Variants in VWA5A observed in about 807,000 individuals in gnomAD.
The protein encoded by VWA5A is von Willebrand factor A domain containing 5A.
VWA5A carries 77 observed loss-of-function variants against 84.6 expected under a neutral mutation model. The ratio of observed to expected loss-of-function variants is 0.91; its 90% confidence interval spans 0.76 to 1.10. The LOEUF is 1.10. Ranked by LOEUF, VWA5A falls within the 50% of genes least tolerant of loss-of-function variation. The pLI is 0.00. For missense variants in VWA5A, 973 were observed against 963.0 expected, an observed-to-expected ratio of 1.01 and a Z score of -0.14; for synonymous variants, 334 against 350.1, an observed-to-expected ratio of 0.95 and a Z score of 0.51.
At chr11:124,133,292 G>T (rs1318706701) in intron 11 of VWA5A, among the ~76,000 whole-genome samples, 1 of 152,092 alleles carries the variant, frequency 6.6e-6, no homozygotes, top group Non-Finnish European at 1.5e-5. Flanking sequence ...ATTCTTAGTT[G>T]TTTACAAGAA....
At chr11:124,142,714 G>T in intron 17 of VWA5A, 142 bp downstream of exon 17, 1 of 1,124,618 alleles carries the variant, frequency 8.9e-7, no homozygotes, top group Non-Finnish European at 1.2e-6. Context: ...AGAGGCTGAA[G>T]GTTTTTCCAG....
At chr11:124,116,221 G>A (rs184636241) in intron 1 of VWA5A, 1 of 152,442 alleles carries the variant, frequency 6.6e-6, no homozygotes, top group East Asian at 1.9e-4. Flanking sequence ...TCAGCTTGGT[G>A]GCCAGTCTCT....
At chr11:124,123,953 A>T in intron 10 of VWA5A, 149 bp downstream of exon 10, 2 of 1,225,492 alleles carry the variant, frequency 1.6e-6, no homozygotes, top group South Asian at 3.4e-5. Flanking sequence ...AAGATGATGC[A>T]TTTGTCTTCT....
rs1864870464 is a variant in VWA5A at position 124,118,283 on chromosome 11, T to C, written c.341T>C (p.Val114Ala). 6.2e-7 allele frequency: 1 copy of C among 1,614,050 alleles called. No homozygotes were observed. Among genetic ancestry groups the C allele is most frequent in the Non-Finnish European group, 8.5e-7 (1 of 1,180,036 alleles). The change falls in exon 5 of 19, where the codon GTG (valine) becomes GCG (alanine). Residue 114 changes from valine to alanine, a missense_variant. Coordinates refer to ENST00000456829, the MANE Select transcript of VWA5A (RefSeq NM_001130142.2). ...SSSRDVFSCNVGNLQPGSKAA... is the reference protein window; with the variant it reads ...SSSRDVFSCNAGNLQPGSKAA... Reference sequence around the variant, plus strand: ...TCCAGGGATGTCTTCTCTTGCAATGTGGGTAACCTCCAACCTGGGTCGAAG... The same window carrying C: ...TCCAGGGATGTCTTCTCTTGCAATGCGGGTAACCTCCAACCTGGGTCGAAG...
At chr11:124,127,542 T>A (rs1865037062) in intron 11 of VWA5A, among the ~76,000 whole-genome samples, 1 of 152,194 alleles carries the variant, frequency 6.6e-6, no homozygotes. Flanking sequence ...GTAATGGGAT[T>A]GCTGGGTCAA....
At chr11:124,124,700 T>A in intron 11 of VWA5A, 1 of 364,570 alleles carries the variant, frequency 2.7e-6, no homozygotes, top group Non-Finnish European at 3.9e-6. Context: ...AAAACTGGAA[T>A]GGTCGTAGGC....
chr11:124,142,345 AT>A, intron 16 of VWA5A, 96 bp from the exon 17 acceptor site: 1 of 1,487,428 alleles, frequency 6.7e-7, no homozygotes, highest in Admixed American at 2.0e-5. Flanking sequence ...CATTCTTGCT[AT>A]GGCCTGTCTC....
chr11:124,132,885 G>C (rs1475741157), intron 11 of VWA5A, among the ~76,000 whole-genome samples: 1 of 152,026 alleles, frequency 6.6e-6, no homozygotes, highest in East Asian at 1.9e-4. Flanking sequence ...TGTATATTCA[G>C]AGCTATAGAT....
intron 14 of VWA5A, 138 bp downstream of exon 14, chr11:124,136,812 G>T: frequency 1.1e-6 from 1 of 879,636 alleles, no homozygotes; most frequent in Non-Finnish European, 1.6e-6. Context: ...CCATCTTTGG[G>T]GATTAGATTT....
intron 12 of VWA5A, among the ~76,000 whole-genome samples, chr11:124,135,522 C>CCTTT (rs1330618929): frequency 3.4e-4 from 29 of 84,304 alleles, no homozygotes; most frequent in South Asian, 4.9e-4. Context: ...GGTGGTATTT[C>CCTTT]TTTTTTTTTT....
chr11:124,136,747 TCATTC>T (rs1860599076), intron 14 of VWA5A, 73 bp downstream of exon 14: 139 of 1,114,186 alleles, frequency 1.2e-4, no homozygotes, highest in South Asian at 6.0e-4. Context: ...CTTCCTTCCT[TCATTC>T]CCTCCCTCCC....
In VWA5A at chr11:124,123,039, A is replaced by G. The variant is rs548488458; in HGVS notation, c.840A>G (p.Gly280=). 3.1e-6 allele frequency: 5 copies of G among 1,614,128 alleles called. No individual in the cohort carries two copies. The change falls in exon 8 of 19, where the codon GGA becomes GGG. Residue 280 remains glycine, a synonymous_variant. Transcript: ENST00000456829. ...AAGATCAACCATCAAATACCTGTGG[A>G]GAGTTTATCTTTCTCATGGACCGCT... is the stretch of plus-strand genomic sequence containing the variant. ...IPEDQPSNTC[G]EFIFLMDRSG...
intron 15 of VWA5A, among the ~76,000 whole-genome samples, chr11:124,140,538 A>C: frequency 6.6e-6 from 1 of 152,050 alleles, no homozygotes; most frequent in Non-Finnish European, 1.5e-5. Context: ...ATTGTAGTTC[A>C]CTGCAGCCTC....
intron 15 of VWA5A, 134 bp from the exon 16 acceptor site, chr11:124,141,462 TGA>T: frequency 9.1e-7 from 1 of 1,096,314 alleles, no homozygotes; most frequent in Non-Finnish European, 1.3e-6. Flanking sequence ...GGTGGGCATA[TGA>T]GAGAAAAATA....
At chr11:124,138,004 G>A (rs1860646580) in intron 15 of VWA5A, among the ~76,000 whole-genome samples, 1 of 152,274 alleles carries the variant, frequency 6.6e-6, no homozygotes, top group Admixed American at 6.5e-5. Flanking sequence ...GACTACAGGT[G>A]CATGCCACCA....
intron 17 of VWA5A, among the ~76,000 whole-genome samples, chr11:124,143,683 G>A (rs1451728969): frequency 6.6e-6 from 1 of 152,106 alleles, no homozygotes; most frequent in Admixed American, 6.5e-5. Context: ...TTGGCTACCA[G>A]AAAATTTAAA....
chr11:124,133,039 G>T (rs904746379), intron 11 of VWA5A, among the ~76,000 whole-genome samples: 1 of 152,082 alleles, frequency 6.6e-6, no homozygotes, highest in African/African-American at 2.4e-5. Flanking sequence ...AATATTAGAG[G>T]ATTTTCTATT....
intron 2 of VWA5A, 61 bp from the exon 3 acceptor site, chr11:124,117,436 A>G: frequency 6.9e-7 from 1 of 1,450,212 alleles, no homozygotes; most frequent in Non-Finnish European, 9.7e-7. Flanking sequence ...CACATAAAGT[A>G]CTGGTGTTTG....
Position 124,136,991 on chromosome 11 carries a change from G to A in VWA5A, c.1626-24G>A, listed in dbSNP as rs112457398. On this transcript the variant is annotated intron_variant, in intron 14 of 18. Transcript: ENST00000456829. Reference sequence around the variant, plus strand: ...TATGGATGTCTTTCCCTACATTTCAGTACTTTTTTTTTTTTCCTTTCAGCC... The same window carrying A: ...TATGGATGTCTTTCCCTACATTTCAATACTTTTTTTTTTTTCCTTTCAGCC... 1,267 of 1,601,934 alleles carry A rather than the reference G, an allele frequency of 7.9e-4. 11 individuals carry two copies. The African/African-American group carries it at 0.014, about 18-fold the overall frequency.
Sources: allele counts gnomAD v4.1 joint callset (sites outside exome capture counted in the v4.1 genomes callset), GRCh38; gene constraint gnomAD v4.1.1; transcripts MANE v1.5; gene names NCBI Gene and HGNC (gene_info 2026-07-23, HGNC 2026-07-21).